DNM1L: variants seen among roughly 807,000 people sequenced by gnomAD.
The protein encoded by DNM1L is dynamin 1L.
DNM1L carries 33 observed loss-of-function variants against 92.8 expected under a neutral mutation model. The observed-to-expected ratio is 0.36, with a 90% CI of 0.27 to 0.48. The LOEUF is 0.48. Ranked by LOEUF, DNM1L falls within the 20% of genes least tolerant of loss-of-function variation. DNM1L has a pLI of 0.99. For missense variants in DNM1L, 485 were observed against 888.8 expected, an observed-to-expected ratio of 0.55 and a Z score of 5.78; for synonymous variants, 284 against 305.0, an observed-to-expected ratio of 0.93 and a Z score of 0.72.
chr12:32,720,561 G>A, intron 7 of DNM1L, 103 bp from the exon 8 acceptor site: 4 of 1,497,520 alleles, frequency 2.7e-6, no homozygotes, highest in Non-Finnish European at 2.8e-6. Flanking sequence ...AAATAAAACA[G>A]TCCCTGTCAG....
chr12:32,733,422 A>G, intron 12 of DNM1L: 1 of 331,092 alleles, frequency 3.0e-6, no homozygotes, highest in Non-Finnish European at 5.5e-6. Flanking sequence ...TTAGATTTGC[A>G]TTAGGTAGAT....
chr12:32,682,092 G>A (rs913461463), intron 1 of DNM1L, among the ~76,000 whole-genome samples: 1 of 151,692 alleles, frequency 6.6e-6, no homozygotes, highest in African/African-American at 2.4e-5. Flanking sequence ...TGAACTTTTT[G>A]GAACAGTGAT....
intron 13 of DNM1L, 32 bp from the exon 14 acceptor site, chr12:32,737,073 A>G (rs751032458): frequency 3.1e-6 from 5 of 1,612,298 alleles, no homozygotes; most frequent in Non-Finnish European, 4.2e-6. Context: ...CAATACTTGG[A>G]TAATCACTTT....
rs183445099 is a variant in DNM1L at position 32,737,253 on chromosome 12, C to G, written c.1596+92C>G. ...TCAGTCCTAGGAGTAATTTTTTCTT[C>G]TTTTCCTCCCTTTAACACTCCATTG... is the stretch of plus-strand genomic sequence containing the variant. On this transcript the variant is annotated intron_variant, in intron 14 of 19. Coordinates refer to ENST00000549701, the MANE Select transcript of DNM1L (RefSeq NM_012062.5). 5.3e-6 allele frequency: 7 copies of G among 1,320,358 alleles called. No homozygotes were observed. The Admixed American group carries it at 1.1e-4, about 22-fold the overall frequency. The allele number at this position is 1,320,358 out of a possible 1,614,324, so 81.8% of individuals were successfully genotyped here.
chr12:32,738,163 A>C lies in DNM1L; in HGVS notation c.1675-101A>C, dbSNP rs1227466442. On this transcript the variant is annotated intron_variant, in intron 15 of 19. Transcript: ENST00000549701. ...CAATATAGAAGATGCACACAGAAAA[A>C]GTAATTTAAAGAGGAAATTATCCTG... The C allele has an allele frequency of 5.7e-6, 8 of 1,405,560 alleles. No homozygotes were observed. In the East Asian group the frequency reaches 1.6e-4, roughly 29 times the overall value. The allele number at this position is 1,405,560 out of a possible 1,614,324, so 87.1% of individuals were successfully genotyped here.
At chr12:32,729,324 G>A (rs996584161) in intron 9 of DNM1L, among the ~76,000 whole-genome samples, 3 of 144,436 alleles carry the variant, frequency 2.1e-5, no homozygotes, top group Non-Finnish European at 4.6e-5. Flanking sequence ...CTTGTGATCC[G>A]CCTGCCTCGG....
At chr12:32,698,676 A>G (rs1952568997) in intron 1 of DNM1L, among the ~76,000 whole-genome samples, 1 of 151,120 alleles carries the variant, frequency 6.6e-6, no homozygotes, top group South Asian at 2.1e-4. Flanking sequence ...AAAAAAATAG[A>G]GTACAGAATA....
chr12:32,697,665 G>A (rs1328846086), intron 1 of DNM1L, among the ~76,000 whole-genome samples: 1 of 152,062 alleles, frequency 6.6e-6, no homozygotes, highest in African/African-American at 2.4e-5. Context: ...TTTATGTTAG[G>A]GGTGGGTGAG....
intron 1 of DNM1L, among the ~76,000 whole-genome samples, chr12:32,696,439 C>CA (rs1952467556): frequency 6.6e-6 from 1 of 151,448 alleles, no homozygotes; most frequent in South Asian, 2.1e-4. Context: ...CCTGTCTACA[C>CA]ACGCATGCAT....
intron 17 of DNM1L, 55 bp downstream of exon 17, chr12:32,740,295 A>G: frequency 6.2e-7 from 1 of 1,613,338 alleles, no homozygotes; most frequent in South Asian, 1.1e-5. Flanking sequence ...GTTAGTAGGA[A>G]AACGATTAGA....
At chr12:32,742,137 C>T (rs911094477) in intron 18 of DNM1L, among the ~76,000 whole-genome samples, 1 of 151,752 alleles carries the variant, frequency 6.6e-6, no homozygotes, top group Non-Finnish European at 1.5e-5. Context: ...CACAGTCTCA[C>T]TCTGTTGCCC....
chr12:32,689,911 C>T lies in DNM1L; in HGVS notation c.102+10446C>T, dbSNP rs192682536. On this transcript the variant is annotated intron_variant, in intron 1 of 19. Coordinates refer to ENST00000549701, the MANE Select transcript of DNM1L (RefSeq NM_012062.5). The stretch of plus-strand genomic sequence containing the variant: ...GGAAGAAACTAAAACTAAAAGATGA[C>T]ACTGAGACCAGGCACACAAATCTTT... Among the ~76,000 whole-genome samples, 124 of 152,324 alleles carry T rather than the reference C, an allele frequency of 8.1e-4. 2 individuals are homozygous for T. The highest frequency in any genetic ancestry group is 4.2e-3 in the Admixed American group (64 of 15,302).
At chr12:32,724,589 AAAAAATATATATAT>A (rs1410550199) in intron 9 of DNM1L, among the ~76,000 whole-genome samples, 5 of 80,814 alleles carry the variant, frequency 6.2e-5, no homozygotes, top group Admixed American at 2.8e-4. Flanking sequence ...AAAAAAAAAA[AAAAAATATATATAT>A]ATATATATAT....
Position 32,737,121 on chromosome 12 carries a change from G to A in DNM1L, c.1556G>A (p.Arg519Lys), listed in dbSNP as rs780603647. ...GTTTCTTAGGAACAAAGGAGAAACA[G>A]GCTAGCCAGAGAATTACCTTCAGCT... is the stretch of plus-strand genomic sequence containing the variant. Reference protein sequence around the residue: ...NNNIEEQRRNRLARELPSAVS... With the variant: ...NNNIEEQRRNKLARELPSAVS... The change falls in exon 14 of 20, where the codon AGG becomes AAG. Residue 519 changes from arginine to lysine, a missense_variant. By Grantham distance (26) the Arg-to-Lys change is conservative. This residue lies in a region of DNM1L where 65 missense variants were observed against 59.4 expected (regional missense o/e 1.09). Coordinates refer to ENST00000549701, the MANE Select transcript of DNM1L (RefSeq NM_012062.5). The A allele has an allele frequency of 1.2e-6, 2 of 1,613,674 alleles. No homozygotes were observed. Among genetic ancestry groups the A allele is most frequent in the Non-Finnish European group, 1.7e-6 (2 of 1,179,854 alleles).
At chr12:32,742,219 C>G (rs905991855) in intron 18 of DNM1L, among the ~76,000 whole-genome samples, 1 of 151,998 alleles carries the variant, frequency 6.6e-6, no homozygotes. Context: ...ATTCTCGTAT[C>G]TCAGCCTCCC....
chr12:32,687,206 C>A (rs1952050820), intron 1 of DNM1L, among the ~76,000 whole-genome samples: 1 of 151,842 alleles, frequency 6.6e-6, no homozygotes, highest in Non-Finnish European at 1.5e-5. Context: ...TTGACAAATC[C>A]AAAGCCGTGA....
intron 18 of DNM1L, among the ~76,000 whole-genome samples, 194 bp from the exon 19 acceptor site, chr12:32,742,395 C>T (rs550467393): frequency 2.0e-5 from 3 of 152,198 alleles, no homozygotes; most frequent in South Asian, 2.1e-4. Flanking sequence ...TGAGCCACTG[C>T]GCCTGGCCGA....
In DNM1L at chr12:32,730,996, T is replaced by C. The variant is rs1954519226; in HGVS notation, c.1080-18T>C. 4 of 1,613,676 alleles carry C rather than the reference T, an allele frequency of 2.5e-6. No individual in the cohort carries two copies. Among genetic ancestry groups the C allele is most frequent in the Non-Finnish European group, 3.4e-6 (4 of 1,179,776 alleles). On this transcript the variant is annotated intron_variant, in intron 9 of 19. Transcript: ENST00000549701. ...CCTTTTTGCAATGCCAGAAACCATA[T>C]ACTTCATTGCCTTTCAGATGCGGTG...
At chr12:32,689,559 A>G (rs1292758327) in intron 1 of DNM1L, among the ~76,000 whole-genome samples, 1 of 152,242 alleles carries the variant, frequency 6.6e-6, no homozygotes, top group East Asian at 1.9e-4. Flanking sequence ...TTATTTAAAT[A>G]AGTGAAGCAA....
Sources: gnomAD v4.1 joint callset for allele counts (sites outside exome capture counted in the v4.1 genomes callset) on GRCh38, gnomAD v4.1.1 for gene constraint, gnomAD v4.1.1 regional missense constraint, MANE v1.5 for transcripts, NCBI Gene and HGNC (gene_info 2026-07-23, HGNC 2026-07-21) for gene names.